Variants in SIRT4 observed in about 807,000 individuals in gnomAD.
SIRT4 encodes sirtuin 4.
SIRT4 carries 23 observed loss-of-function variants against 26.1 expected under a neutral mutation model. The observed-to-expected ratio is 0.88, with a 90% CI of 0.63 to 1.25. The LOEUF is 1.25. Among genes scored for constraint, SIRT4 ranks in the 50% most tolerant of loss-of-function variants. The pLI, the probability that SIRT4 is intolerant of heterozygous loss-of-function variation, is 0.00. For missense variants in SIRT4, 361 were observed against 405.4 expected, an observed-to-expected ratio of 0.89 and a Z score of 0.94; for synonymous variants, 155 against 158.4, an observed-to-expected ratio of 0.98 and a Z score of 0.16.
chr12:120,312,417 A>G (rs1169325079), intron 2 of SIRT4, 39 bp from the exon 3 acceptor site: 1 of 1,560,168 alleles, frequency 6.4e-7, no homozygotes, highest in South Asian at 1.2e-5. Context: ...TGTGCCTCCC[A>G]AGGGCATACT....
chr12:120,303,494 A>G, intron 1 of SIRT4, 67 bp from the exon 2 acceptor site: 1 of 1,512,654 alleles, frequency 6.6e-7, no homozygotes, highest in Non-Finnish European at 8.8e-7. Flanking sequence ...AACGAAAACA[A>G]ACAAACAAAA....
At chr12:120,292,091 A>G in the SIRT4 span, among the ~76,000 whole-genome samples, 9 of 152,358 alleles carry the variant, frequency 5.9e-5, no homozygotes, top group Middle Eastern at 3.4e-3. Context: ...TTTGAAAACC[A>G]TAAGAATATT....
rs773191639 is a variant in SIRT4, at chr12:120,312,551, GCCT to G, written c.594_596del (p.Leu199del). 1 of 1,614,184 alleles carries G rather than the reference GCCT, an allele frequency of 6.2e-7. No homozygotes were observed. The highest frequency in any genetic ancestry group is 1.1e-5 in the South Asian group (1 of 91,084). ...CCCACCTGGAGTGCTGAGGCCCATG[GCCT>G]GGCTCCTGATGGTGACGTCTTTCTC... On this transcript the variant is annotated inframe_deletion, in exon 3 of 4. Transcript: ENST00000202967.
chr12:120,293,478 A>T, the SIRT4 span, among the ~76,000 whole-genome samples: 1 of 152,216 alleles, frequency 6.6e-6, no homozygotes, highest in Admixed American at 6.5e-5. Context: ...CTTAATTCAG[A>T]GACTGCGAAG....
At chr12:120,299,894 G>A (rs1872483465), upstream of SIRT4, among the ~76,000 whole-genome samples, 2 of 152,146 alleles carry the variant, frequency 1.3e-5, no homozygotes, top group Admixed American at 6.6e-5. Flanking sequence ...GAGACATGGA[G>A]GGCTGTGTGC....
chr12:120,307,143 C>T (rs539017241), intron 2 of SIRT4, among the ~76,000 whole-genome samples: 13 of 152,142 alleles, frequency 8.5e-5, no homozygotes, highest in Admixed American at 3.3e-4. Context: ...GGTGTACATA[C>T]GTTACACTAT....
chr12:120,295,048 C>G, the SIRT4 span, among the ~76,000 whole-genome samples: 1 of 151,752 alleles, frequency 6.6e-6, no homozygotes, highest in Non-Finnish European at 1.5e-5. Flanking sequence ...CCAGGCTGGT[C>G]TCAAGCTCCT....
In SIRT4 at chr12:120,303,621, C is replaced by T. The variant is rs144924773; in HGVS notation, c.60C>T (p.Pro20=). The change falls in exon 2 of 4, where the codon CCC becomes CCT. Residue 20 remains proline (P), a synonymous_variant. Coordinates refer to ENST00000202967, the MANE Select transcript of SIRT4 (RefSeq NM_012240.3). Reference sequence around the variant, plus strand: ...CAAAAGGCCGTTGGATCGCAAACCCCAGCCAGCCGTGCTCGAAAGCCTCCA... The same window carrying T: ...CAAAAGGCCGTTGGATCGCAAACCCTAGCCAGCCGTGCTCGAAAGCCTCCA... ...RSAKGRWIAN[P]SQPCSKASIG... The T allele has an allele frequency of 1.9e-6, 3 of 1,614,016 alleles. No homozygotes were observed. Among genetic ancestry groups the T allele is most frequent in the African/African-American group, 1.3e-5 (1 of 74,926 alleles).
rs201108193 is a variant in SIRT4, at chr12:120,312,718, G to T, written c.760G>T (p.Asp254Tyr). 2 of 1,613,886 alleles carry T rather than the reference G, an allele frequency of 1.2e-6. No homozygotes were observed. The highest frequency in any genetic ancestry group is 1.3e-5 in the African/African-American group (1 of 75,006). Residue 254 changes from aspartate to tyrosine, a missense_variant, in exon 3 of 4, where the codon GAC becomes TAC. Asp to Tyr is a radical substitution (Grantham distance 160). Coordinates refer to ENST00000202967, the MANE Select transcript of SIRT4 (RefSeq NM_012240.3). ...DFVHKRVKEA[D>Y]SLLVVGSSLQ... ...TGTGCACAAGCGTGTAAAAGAAGCC[G>T]ACTCCCTCTTGGTGGTGGGATCATC...
chr12:120,304,213 G>A (rs1872655358), intron 2 of SIRT4, 155 bp downstream of exon 2: 6 of 575,960 alleles, frequency 1.0e-5, no homozygotes, highest in South Asian at 1.5e-4. Flanking sequence ...ATTCATTGAC[G>A]GAGCAAGGAT....
At chr12:120,293,569 G>A in the SIRT4 span, among the ~76,000 whole-genome samples, 76 of 152,202 alleles carry the variant, frequency 5.0e-4, no homozygotes, top group African/African-American at 1.8e-3. Context: ...CTCCAAAGAC[G>A]ATTATTGTTT....
chr12:120,309,971 C>T (rs1872896257), intron 2 of SIRT4, among the ~76,000 whole-genome samples: 1 of 151,990 alleles, frequency 6.6e-6, no homozygotes, highest in Admixed American at 6.6e-5. Flanking sequence ...CCCATCTTGG[C>T]CTCCCAAATT....
rs140358184 is a variant in SIRT4, at chr12:120,312,307, A to G, written c.498-149A>G. 671 of 786,790 alleles carry G rather than the reference A, an allele frequency of 8.5e-4. 4 individuals carry two copies. The African/African-American group carries it at 0.01, about 12-fold the overall frequency. 48.7% of individuals were successfully genotyped at this position (786,790 alleles called of 1,614,324 possible). A position where few individuals can be genotyped will look rare whatever the true frequency, so the allele number is the denominator to read the frequency against. On this transcript the variant is annotated intron_variant, in intron 2 of 3. Coordinates refer to ENST00000202967, the MANE Select transcript of SIRT4 (RefSeq NM_012240.3). ...TCTCCAAAAATAAAAAAAATAAAAT[A>G]GAAAGTATGGCTAAAATGGGGTGGG...
At chr12:120,298,264 A>G (rs570556332), upstream of SIRT4, among the ~76,000 whole-genome samples, 1 of 150,266 alleles carries the variant, frequency 6.7e-6, no homozygotes, top group Admixed American at 6.7e-5. Context: ...AGTAGATCCT[A>G]CAGCTACTGA....
chr12:120,307,455 C>T (rs896469431), intron 2 of SIRT4, among the ~76,000 whole-genome samples: 1 of 152,106 alleles, frequency 6.6e-6, no homozygotes, highest in African/African-American at 2.4e-5. Context: ...TGCCATTGCA[C>T]TCCAGCCTGG....
chr12:120,301,591 G>A (rs1374861969), upstream of SIRT4, among the ~76,000 whole-genome samples: 1 of 151,962 alleles, frequency 6.6e-6, no homozygotes, highest in African/African-American at 2.4e-5. Context: ...CCTGAGGTCG[G>A]GAGTTCGAGA....
At chr12:120,299,872 A>T (rs149578396), upstream of SIRT4, among the ~76,000 whole-genome samples, 119 of 152,194 alleles carry the variant, frequency 7.8e-4, 3 homozygotes, top group East Asian at 0.022. Flanking sequence ...TAATGAATAT[A>T]GTGACTTGGA....
chr12:120,293,552 C>T, the SIRT4 span, among the ~76,000 whole-genome samples: 1 of 152,202 alleles, frequency 6.6e-6, no homozygotes, highest in African/African-American at 2.4e-5. Flanking sequence ...TTCAGTGTAA[C>T]AGACTTCTCC....
upstream of SIRT4, among the ~76,000 whole-genome samples, chr12:120,301,201 C>T (rs964777558): frequency 1.3e-5 from 2 of 151,998 alleles, no homozygotes; most frequent in African/African-American, 2.4e-5. Context: ...AAAAATTAAC[C>T]GGGCGTAGTG....
Sources: gnomAD v4.1 joint callset for allele counts (sites outside exome capture counted in the v4.1 genomes callset) on GRCh38, gnomAD v4.1.1 for gene constraint, MANE v1.5 for transcripts, NCBI Gene and HGNC (gene_info 2026-07-23, HGNC 2026-07-21) for gene names.